Variants in DTNB observed in about 807,000 individuals in gnomAD.
The protein encoded by DTNB is DTN-B.
A neutral mutation model predicts 90.7 loss-of-function variants in DTNB; 63 were observed. The ratio of observed to expected loss-of-function variants is 0.69; its 90% CI spans 0.57 to 0.86. The LOEUF is 0.86. DTNB is among the 40% of genes least tolerant of loss of function. The pLI, the probability that DTNB is intolerant of heterozygous loss-of-function variation, is 0.00. For synonymous variants in DTNB, 277 were observed against 286.7 expected (o/e 0.97, Z 0.34); for missense variants, 744 against 807.1 (o/e 0.92, Z 0.95).
intron 4 of DTNB, among the ~76,000 whole-genome samples, chr2:25,613,090 A>G (rs756350699): frequency 1.3e-5 from 2 of 152,152 alleles, no homozygotes; most frequent in African/African-American, 2.4e-5. Context: ...TCTTTTTTTA[A>G]TAATTTCAAC....
At chr2:25,408,538 C>CAAAAAA (rs11395783) in intron 16 of DTNB, among the ~76,000 whole-genome samples, 14 of 32,682 alleles carry the variant, frequency 4.3e-4, no homozygotes, top group East Asian at 8.0e-4. Context: ...GACTCCATCT[C>CAAAAAA]AAAAAAAAAA....
chr2:25,440,862 A>T (rs753612659), intron 12 of DTNB, among the ~76,000 whole-genome samples: 44 of 152,218 alleles, frequency 2.9e-4, no homozygotes, highest in Middle Eastern at 6.8e-3. Context: ...GTCAGCAGAC[A>T]TCTGCAGAAA....
At chr2:25,495,418 C>T (rs1195252314) in intron 9 of DTNB, among the ~76,000 whole-genome samples, 4 of 152,100 alleles carry the variant, frequency 2.6e-5, no homozygotes, top group Admixed American at 6.6e-5. Context: ...TGGTTAGAGA[C>T]CTATTCGTGG....
chr2:25,669,187 A>G lies in DTNB; in HGVS notation c.-2+4199T>C, dbSNP rs556321598. 2.6e-5 allele frequency among the ~76,000 whole-genome samples: 4 copies of G among 152,344 alleles called. No homozygotes were observed. The East Asian group carries it at 5.8e-4, about 22-fold the overall frequency. On this transcript the variant is annotated intron_variant, in intron 1 of 20. Coordinates refer to ENST00000406818, the MANE Select transcript of DTNB (RefSeq NM_021907.5). ...TGGGGATGATGAAAAAGCTCTGGAGACAGTGGTGATGGCTGTGCAACAATG... is the reference window on the plus strand; with the variant it reads ...TGGGGATGATGAAAAAGCTCTGGAGGCAGTGGTGATGGCTGTGCAACAATG...
At chr2:25,455,284 TG>T in intron 11 of DTNB, 120 bp downstream of exon 11, 4 of 862,342 alleles carry the variant, frequency 4.6e-6, no homozygotes, top group Non-Finnish European at 5.2e-6. Context: ...CAAACATAGC[TG>T]GTAGCTGCTC....
intron 16 of DTNB, chr2:25,419,231 G>A (rs781504464): frequency 4.4e-5 from 24 of 541,286 alleles, no homozygotes; most frequent in Non-Finnish European, 1.0e-5. Flanking sequence ...GAATGAAAGA[G>A]CAGGAAAATG....
At chr2:25,441,216 G>C (rs934815050) in intron 12 of DTNB, among the ~76,000 whole-genome samples, 2 of 152,166 alleles carry the variant, frequency 1.3e-5, no homozygotes, top group Non-Finnish European at 2.9e-5. Context: ...TATTGAACCA[G>C]GTTCACTCCA....
rs190642531 is a variant in DTNB at position 25,516,774 on chromosome 2, C to T, written c.1001+14699G>A. On this transcript the variant is annotated intron_variant, in intron 9 of 20. Transcript: ENST00000406818. ...GCGTGGTGGTGGGCGCCTGTAATCC[C>T]AGCTATCTGGTAGGCTGAGGAAGGA... Among the ~76,000 whole-genome samples, 746 of 152,050 alleles carry T rather than the reference C, an allele frequency of 4.9e-3. 10 individuals are homozygous for T. Among genetic ancestry groups the T allele is most frequent in the Non-Finnish European group, 8.5e-3 (576 of 67,974 alleles).
intron 10 of DTNB, among the ~76,000 whole-genome samples, chr2:25,475,746 G>C (rs1052846480): frequency 6.6e-6 from 1 of 152,170 alleles, no homozygotes; most frequent in African/African-American, 2.4e-5. Flanking sequence ...ACTTTAACTT[G>C]AAGCCAATGC....
intron 8 of DTNB, among the ~76,000 whole-genome samples, chr2:25,560,535 TC>T (rs141904044): frequency 0.013 from 1,961 of 151,478 alleles, 14 homozygotes; most frequent in Non-Finnish European, 0.021. Flanking sequence ...ATCAACTCTT[TC>T]TAGGTCTGGA....
chr2:25,502,194 TAAC>T lies in DTNB; in HGVS notation c.1002-19324_1002-19322del, dbSNP rs755296481. ...AGTGAGAACCTGTCTCAAAACAAAA[TAAC>T]AACAACAACAACAACAAAACAAAAA... On this transcript the variant is annotated intron_variant, in intron 9 of 20. Transcript: ENST00000406818. 6.6e-5 allele frequency among the ~76,000 whole-genome samples: 10 copies of T among 150,814 alleles called. No individual in the cohort carries two copies. In the East Asian group the frequency reaches 7.8e-4, roughly 12 times the overall value.
rs60610400 is a variant in DTNB at position 25,432,206 on chromosome 2, TACACACACACAC to T, written c.1457+668_1457+679del. ...ATGTCTTAACTTACAGAAGAGTGCGTACACACACACACACACACACACACACACACACACACA... is the reference window on the plus strand; with the variant it reads ...ATGTCTTAACTTACAGAAGAGTGCGTACACACACACACACACACACACACA... On this transcript the variant is annotated intron_variant, in intron 14 of 20. Transcript: ENST00000406818. 4.8e-5 allele frequency among the ~76,000 whole-genome samples: 7 copies of T among 146,318 alleles called. No homozygotes were observed. In the East Asian group the frequency reaches 6.0e-4, roughly 13 times the overall value.
intron 2 of DTNB, among the ~76,000 whole-genome samples, chr2:25,643,486 T>C (rs2078795745): frequency 1.3e-5 from 2 of 152,214 alleles, no homozygotes; most frequent in South Asian, 2.1e-4. Context: ...AATTGGGAAG[T>C]TGTGTTGCTA....
chr2:25,537,582 C>T (rs1374178886), intron 8 of DTNB, among the ~76,000 whole-genome samples: 1 of 152,044 alleles, frequency 6.6e-6, no homozygotes, highest in Non-Finnish European at 1.5e-5. Context: ...AACTATGTAT[C>T]CAATTAGGTT....
chr2:25,514,681 CTTTTTTTT>C (rs560287104), intron 9 of DTNB, among the ~76,000 whole-genome samples: 4 of 98,862 alleles, frequency 4.0e-5, no homozygotes, highest in African/African-American at 1.7e-4. Context: ...TGAAAAAAAT[CTTTTTTTT>C]TTTTTTTTTT....
chr2:25,416,053 TG>T (rs2047842429), intron 16 of DTNB, among the ~76,000 whole-genome samples: 1 of 152,128 alleles, frequency 6.6e-6, no homozygotes, highest in African/African-American at 2.4e-5. Flanking sequence ...GTGTCTGAAG[TG>T]TGAGGCACTC....
intron 7 of DTNB, among the ~76,000 whole-genome samples, chr2:25,577,515 A>G (rs544467439): frequency 1.4e-4 from 21 of 151,370 alleles, no homozygotes; most frequent in Non-Finnish European, 2.5e-4. Flanking sequence ...TTTACTAGAA[A>G]AAAAAAAAAG....
intron 8 of DTNB, among the ~76,000 whole-genome samples, chr2:25,571,630 C>T (rs2059883788): frequency 6.6e-6 from 1 of 152,114 alleles, no homozygotes; most frequent in African/African-American, 2.4e-5. Flanking sequence ...ATTCAACCTC[C>T]AATCTCCCCA....
At chr2:25,584,746 G>A (rs1163041389) in intron 6 of DTNB, among the ~76,000 whole-genome samples, 1 of 151,704 alleles carries the variant, frequency 6.6e-6, no homozygotes, top group East Asian at 1.9e-4. Flanking sequence ...TAGTAGAGAC[G>A]GGGTTTCACC....
Sources: allele counts gnomAD v4.1 joint callset (sites outside exome capture counted in the v4.1 genomes callset), GRCh38; gene constraint gnomAD v4.1.1; transcripts MANE v1.5; gene names NCBI Gene and HGNC (gene_info 2026-07-23, HGNC 2026-07-21).